Variants in CCDC12 observed in about 807,000 individuals in gnomAD.
CCDC12 encodes coiled-coil domain containing 12, also known as coiled-coil domain-containing protein 12.
A neutral mutation model predicts 25.7 loss-of-function variants in CCDC12; 28 were observed. That is an observed-to-expected ratio of 1.09 (90% CI 0.81 to 1.50). The LOEUF (loss-of-function observed/expected upper bound fraction) is 1.50, where lower values mean the gene tolerates loss of function less well. Among genes scored for constraint, CCDC12 ranks in the 40% most tolerant of loss-of-function variants. The pLI, the probability that CCDC12 is intolerant of heterozygous loss-of-function variation, is 0.00. For synonymous variants in CCDC12, 75 were observed against 87.7 expected (o/e 0.86, Z 0.81); for missense variants, 198 against 210.0 (o/e 0.94, Z 0.35).
rs1370299634 is a variant in CCDC12 at position 46,922,148 on chromosome 3, G to C, written c.419-9C>G. On this transcript the variant is annotated splice_polypyrimidine_tract_variant and intron_variant, in intron 6 of 6. Coordinates refer to ENST00000683445, the MANE Select transcript of CCDC12 (RefSeq NM_001277074.2). ...GCCTTTCAGCCTTTCACCTGGGATG[G>C]ATGGCAGACAGAAGGGGTGGGGAGG... 1 of 1,614,282 alleles carries C rather than the reference G, an allele frequency of 6.2e-7. No homozygotes were observed. The highest frequency in any genetic ancestry group is 2.2e-5 in the East Asian group (1 of 44,892).
chr3:46,979,942 C>A, upstream of CCDC12: 1 of 347,446 alleles, frequency 2.9e-6, no homozygotes, highest in Non-Finnish European at 5.2e-6. Context: ...CGCCCGCACC[C>A]GCACCCGCGG....
chr3:46,930,614 C>G (rs1361398316), intron 2 of CCDC12, among the ~76,000 whole-genome samples: 3 of 152,230 alleles, frequency 2.0e-5, no homozygotes, highest in Non-Finnish European at 4.4e-5. Flanking sequence ...CATCAGCCAC[C>G]TCAGTGCCTC....
chr3:46,971,490 C>CA (rs2107202075), intron 1 of CCDC12, among the ~76,000 whole-genome samples: 1 of 152,322 alleles, frequency 6.6e-6, no homozygotes, highest in South Asian at 2.1e-4. Flanking sequence ...GTGGGCTGAC[C>CA]AGGACGTCTT....
intron 1 of CCDC12, chr3:46,976,344 G>T: frequency 7.5e-7 from 1 of 1,337,768 alleles, no homozygotes. Context: ...GGCAGCCCTA[G>T]ATACCTACAC....
In CCDC12 at chr3:46,923,707, C is replaced by G. The variant is rs2290546; in HGVS notation, c.245-39G>C. 960,491 of 1,445,604 alleles carry G rather than the reference C, an allele frequency of 0.66. 321,233 individuals carry two copies. The highest frequency in any genetic ancestry group is 0.81 in the African/African-American group (56,824 of 69,952). 89.5% of individuals were successfully genotyped at this position (1,445,604 alleles called of 1,614,324 possible). A position where few individuals can be genotyped will look rare whatever the true frequency, so the allele number is the denominator to read the frequency against. ...TTAAACAGAGAAGGCCTGTGGAAAA[C>G]GCGCTGCCACTCTGCAGGGACACTG... On this transcript the variant is annotated intron_variant, in intron 3 of 6. Coordinates refer to ENST00000683445, the MANE Select transcript of CCDC12 (RefSeq NM_001277074.2).
intron 2 of CCDC12, 87 bp downstream of exon 2, chr3:46,940,911 C>T: frequency 7.7e-7 from 1 of 1,298,390 alleles, no homozygotes; most frequent in Non-Finnish European, 1.1e-6. Flanking sequence ...AGGGCAGACA[C>T]TGAACAGAGT....
intron 1 of CCDC12, among the ~76,000 whole-genome samples, chr3:46,974,694 G>A (rs2034911498): frequency 6.6e-6 from 1 of 152,226 alleles, no homozygotes; most frequent in African/African-American, 2.4e-5. Flanking sequence ...AAGGAAAATA[G>A]GGGTCAGACT....
intron 1 of CCDC12, among the ~76,000 whole-genome samples, chr3:46,968,399 A>T (rs2034701528): frequency 6.6e-6 from 1 of 152,154 alleles, no homozygotes; most frequent in African/African-American, 2.4e-5. Flanking sequence ...AGGCTGCAGG[A>T]CCACCTGGAT....
At chr3:46,949,854 C>T (rs2107158007) in intron 1 of CCDC12, among the ~76,000 whole-genome samples, 1 of 152,154 alleles carries the variant, frequency 6.6e-6, no homozygotes, top group Non-Finnish European at 1.5e-5. Context: ...TGGTGAAAAC[C>T]TATCTTTACT....
chr3:46,922,437 G>C, intron 5 of CCDC12, 125 bp from the exon 6 acceptor site: 1 of 995,122 alleles, frequency 1.0e-6, no homozygotes, highest in Non-Finnish European at 1.6e-6. Flanking sequence ...GGGCTGCCCT[G>C]GGGAAGAGGC....
intron 2 of CCDC12, among the ~76,000 whole-genome samples, chr3:46,937,582 G>A (rs2033502191): frequency 6.6e-6 from 1 of 152,222 alleles, no homozygotes; most frequent in Non-Finnish European, 1.5e-5. Flanking sequence ...CTCTCCAGTG[G>A]CAAAGGAGGC....
At chr3:46,966,506 ACT>A (rs932037214) in intron 1 of CCDC12, among the ~76,000 whole-genome samples, 7 of 151,288 alleles carry the variant, frequency 4.6e-5, no homozygotes, top group East Asian at 1.9e-4. Flanking sequence ...ACAGAGTGAG[ACT>A]CTGTCTCAAA....
intron 1 of CCDC12, among the ~76,000 whole-genome samples, chr3:46,965,792 G>A (rs1214572586): frequency 6.6e-6 from 1 of 152,220 alleles, no homozygotes; most frequent in Non-Finnish European, 1.5e-5. Context: ...CACATCTGTG[G>A]TGTCTCAGGT....
At chr3:46,939,358 G>A (rs1049666686) in intron 2 of CCDC12, among the ~76,000 whole-genome samples, 5 of 152,160 alleles carry the variant, frequency 3.3e-5, no homozygotes, top group South Asian at 2.1e-4. Context: ...TCATCGAGGA[G>A]GGGGAGGGGT....
At chr3:46,923,755 G>C in intron 3 of CCDC12, 87 bp from the exon 4 acceptor site, 1 of 1,167,888 alleles carries the variant, frequency 8.6e-7, no homozygotes, top group Non-Finnish European at 1.1e-6. Flanking sequence ...CCCAGGGAGA[G>C]ACGGGACCCC....
intron 2 of CCDC12, among the ~76,000 whole-genome samples, chr3:46,937,663 C>A (rs960113508): frequency 1.3e-5 from 2 of 152,180 alleles, no homozygotes; most frequent in Non-Finnish European, 2.9e-5. Flanking sequence ...TGCATGAGAG[C>A]CCCTTTCCAG....
intron 1 of CCDC12, among the ~76,000 whole-genome samples, chr3:46,960,826 G>C (rs1271134418): frequency 6.6e-6 from 1 of 152,218 alleles, no homozygotes; most frequent in Non-Finnish European, 1.5e-5. Flanking sequence ...CTCAGCTGCT[G>C]AAGGTGTATG....
At chr3:46,952,714 C>T (rs1484663307) in intron 1 of CCDC12, among the ~76,000 whole-genome samples, 1 of 152,166 alleles carries the variant, frequency 6.6e-6, no homozygotes, top group African/African-American at 2.4e-5. Flanking sequence ...AACAGTATGC[C>T]AGGCAACTGA....
intron 1 of CCDC12, among the ~76,000 whole-genome samples, chr3:46,951,796 A>ATAT (rs1253076967): frequency 4.0e-4 from 8 of 20,230 alleles, no homozygotes; most frequent in Non-Finnish European, 4.9e-4. Context: ...AAAAAAAAAA[A>ATAT]AAATATATAT....
Sources: allele counts gnomAD v4.1 joint callset (sites outside exome capture counted in the v4.1 genomes callset), GRCh38; gene constraint gnomAD v4.1.1; transcripts MANE v1.5; gene names NCBI Gene and HGNC (gene_info 2026-07-23, HGNC 2026-07-21).